Variants in UST observed in about 807,000 individuals in gnomAD.
UST encodes chondroitin sulfate 2-O-sulfotransferase.
In UST, 21 loss-of-function variants were observed where a neutral mutation model predicts 45.6. The observed-to-expected ratio is 0.46, with a 90% CI of 0.33 to 0.66. The LOEUF is 0.66. Among genes scored for constraint, UST ranks in the 30% least tolerant of loss-of-function variants. The pLI is 0.02. For missense variants in UST, 463 were observed against 512.4 expected, an observed-to-expected ratio of 0.90 and a Z score of 0.93; for synonymous variants, 215 against 200.6, an observed-to-expected ratio of 1.07 and a Z score of -0.61.
At chr6:148,842,975 C>T (rs1202614086) in intron 1 of UST, among the ~76,000 whole-genome samples, 2 of 152,246 alleles carry the variant, frequency 1.3e-5, no homozygotes, top group East Asian at 1.9e-4. Context: ...TAATTATTGC[C>T]AGAAATGAAA....
At chr6:148,753,691 C>G (rs1017062674) in intron 1 of UST, among the ~76,000 whole-genome samples, 10 of 152,096 alleles carry the variant, frequency 6.6e-5, no homozygotes, top group Non-Finnish European at 8.8e-5. Flanking sequence ...GGGTATATAC[C>G]TAGGAGTGGG....
chr6:148,805,229 G>A (rs371643029), intron 1 of UST, among the ~76,000 whole-genome samples: 2 of 152,092 alleles, frequency 1.3e-5, no homozygotes, highest in East Asian at 3.8e-4. Context: ...AAGTCATTAT[G>A]CAATTTGGTT....
chr6:148,820,001 C>T (rs189975533), intron 1 of UST, among the ~76,000 whole-genome samples: 20 of 152,322 alleles, frequency 1.3e-4, no homozygotes, highest in Admixed American at 1.2e-3. Flanking sequence ...GGGCCTCTCT[C>T]TCCGGGTGCC....
intron 1 of UST, among the ~76,000 whole-genome samples, chr6:148,820,466 C>G (rs1235561743): frequency 2.0e-5 from 3 of 152,138 alleles, no homozygotes; most frequent in Non-Finnish European, 4.4e-5. Context: ...TCAGAATTCT[C>G]TTTTACCTAA....
chr6:148,954,582 C>G (rs932141937), intron 4 of UST, among the ~76,000 whole-genome samples: 1 of 152,168 alleles, frequency 6.6e-6, no homozygotes, highest in Admixed American at 6.5e-5. Flanking sequence ...CCAGAAGCAA[C>G]AGGCTGTACT....
chr6:149,050,335 A>G (rs1241253150), intron 7 of UST, among the ~76,000 whole-genome samples: 2 of 152,234 alleles, frequency 1.3e-5, no homozygotes, highest in Non-Finnish European at 2.9e-5. Context: ...GGGACTCATC[A>G]GCTATTTTCA....
chr6:148,865,458 T>C (rs760676660), intron 1 of UST, among the ~76,000 whole-genome samples: 6 of 152,272 alleles, frequency 3.9e-5, no homozygotes, highest in Non-Finnish European at 7.4e-5. Context: ...GAAAGTCGGG[T>C]GTTTTCTTAA....
intron 7 of UST, among the ~76,000 whole-genome samples, chr6:149,062,309 C>G (rs975279515): frequency 6.6e-6 from 1 of 152,196 alleles, no homozygotes; most frequent in Non-Finnish European, 1.5e-5. Context: ...AGGAAGGACC[C>G]TCAACTAAGG....
chr6:149,025,722 A>G (rs1334059705), intron 7 of UST, among the ~76,000 whole-genome samples: 1 of 152,210 alleles, frequency 6.6e-6, no homozygotes, highest in Non-Finnish European at 1.5e-5. Flanking sequence ...TAAAAATGAG[A>G]AACTGAGGCC....
intron 1 of UST, among the ~76,000 whole-genome samples, chr6:148,841,180 T>C (rs1280457046): frequency 6.6e-6 from 1 of 152,158 alleles, no homozygotes; most frequent in Non-Finnish European, 1.5e-5. Context: ...TGAAGAATGT[T>C]TTTAAAAAGC....
At chr6:148,783,942 T>C (rs747533158) in intron 1 of UST, among the ~76,000 whole-genome samples, 1 of 152,168 alleles carries the variant, frequency 6.6e-6, no homozygotes, top group Non-Finnish European at 1.5e-5. Context: ...ATCTTCAAAG[T>C]CACACAACCC....
chr6:148,863,670 C>T (rs1330776700), intron 1 of UST, among the ~76,000 whole-genome samples: 1 of 152,170 alleles, frequency 6.6e-6, no homozygotes, highest in Non-Finnish European at 1.5e-5. Context: ...TGGTGACATA[C>T]AGATGGGGTT....
intron 5 of UST, among the ~76,000 whole-genome samples, chr6:148,988,573 C>CAAAAAAA (rs760248567): frequency 1.2e-5 from 1 of 86,908 alleles, no homozygotes; most frequent in African/African-American, 4.4e-5. Flanking sequence ...GACCCTGTCT[C>CAAAAAAA]AAAAAAAAAA....
At chr6:148,834,924 T>C (rs1349510973) in intron 1 of UST, among the ~76,000 whole-genome samples, 3 of 152,176 alleles carry the variant, frequency 2.0e-5, no homozygotes, top group Non-Finnish European at 4.4e-5. Flanking sequence ...TAATATGGAG[T>C]GCCCAAAGTA....
chr6:148,805,452 T>C (rs1220927846), intron 1 of UST, among the ~76,000 whole-genome samples: 2 of 152,204 alleles, frequency 1.3e-5, no homozygotes, highest in Non-Finnish European at 2.9e-5. Context: ...TTTTGTTTTG[T>C]TCTTCTTCTA....
intron 5 of UST, among the ~76,000 whole-genome samples, chr6:148,966,909 G>GT (rs963258593): frequency 5.5e-4 from 83 of 152,228 alleles, no homozygotes; most frequent in African/African-American, 1.7e-3. Flanking sequence ...GTTAATTTTT[G>GT]TATTTTTAGT....
chr6:148,984,848 T>C (rs1781210236), intron 5 of UST, among the ~76,000 whole-genome samples: 1 of 152,146 alleles, frequency 6.6e-6, no homozygotes, highest in Non-Finnish European at 1.5e-5. Context: ...GGAGGATGTT[T>C]GGAGTAGAGC....
intron 7 of UST, among the ~76,000 whole-genome samples, chr6:149,029,468 T>C (rs1031474125): frequency 2.1e-5 from 3 of 143,866 alleles, no homozygotes; most frequent in East Asian, 3.9e-4. Context: ...TTATATATTA[T>C]ATATATAATG....
At chr6:148,800,015 A>G (rs1342498149) in intron 1 of UST, among the ~76,000 whole-genome samples, 3 of 152,236 alleles carry the variant, frequency 2.0e-5, no homozygotes, top group Non-Finnish European at 2.9e-5. Context: ...TTAAAATTGC[A>G]AACCCTAAGG....
Sources: allele counts gnomAD v4.1 joint callset (sites outside exome capture counted in the v4.1 genomes callset), GRCh38; gene constraint gnomAD v4.1.1; transcripts MANE v1.5; gene names NCBI Gene and HGNC (gene_info 2026-07-23, HGNC 2026-07-21).